MELK: variants seen among roughly 807,000 people sequenced by gnomAD.
MELK encodes the protein pEg3 kinase.
Under a neutral mutation model 85.0 loss-of-function variants are expected in MELK, and 81 were observed. The ratio of observed to expected loss-of-function variants is 0.95; its 90% CI spans 0.80 to 1.15. MELK has a LOEUF of 1.15. MELK is among the 50% of genes most tolerant of loss of function. The pLI is 0.00. For missense variants in MELK, 754 were observed against 777.5 expected, an observed-to-expected ratio of 0.97 and a Z score of 0.36; for synonymous variants, 252 against 265.0, an observed-to-expected ratio of 0.95 and a Z score of 0.48.
chr9:36,638,114 G>A (rs1304340317), intron 10 of MELK, among the ~76,000 whole-genome samples: 1 of 152,100 alleles, frequency 6.6e-6, no homozygotes, highest in Non-Finnish European at 1.5e-5. Flanking sequence ...CATCTTCTCA[G>A]CCATGATCCT....
chr9:36,662,053 G>A (rs998319776), intron 13 of MELK, among the ~76,000 whole-genome samples: 2 of 151,140 alleles, frequency 1.3e-5, no homozygotes, highest in Non-Finnish European at 2.9e-5. Flanking sequence ...TTTTATTATG[G>A]ATTTAGTTAT....
At chr9:36,606,955 T>G (rs1038429888) in intron 7 of MELK, 1 of 152,038 alleles carries the variant, frequency 6.6e-6, no homozygotes, top group Non-Finnish European at 1.5e-5. Context: ...CGGCTAATTT[T>G]TGTAGTTTTA....
chr9:36,669,341 TA>T lies in MELK; in HGVS notation c.1444del (p.Ile482TyrfsTer3), dbSNP rs770447132. On this transcript the variant is annotated frameshift_variant, in exon 15 of 18. Transcript: ENST00000298048. LOFTEE classifies it high-confidence loss of function. ...RNQCLKETPI[K>X]IPVNSTGTDK... ...ACCAGTGCCTGAAAGAAACTCCAAT[TA>T]AAATACCAGTAAATTCAACAGGAAC... The T allele has an allele frequency of 2.3e-5, 37 of 1,610,426 alleles. 1 individual carries two copies. In the South Asian group the frequency reaches 4.0e-4, roughly 17 times the overall value.
intron 11 of MELK, among the ~76,000 whole-genome samples, chr9:36,643,865 C>T (rs914791676): frequency 2.0e-5 from 3 of 147,322 alleles, no homozygotes; most frequent in South Asian, 2.2e-4. Flanking sequence ...ACCTGGGAGG[C>T]GGAGTTTGCA....
intron 13 of MELK, among the ~76,000 whole-genome samples, chr9:36,661,750 C>T (rs994902864): frequency 7.2e-5 from 11 of 152,170 alleles, no homozygotes; most frequent in African/African-American, 2.4e-4. Flanking sequence ...TCCTGGCTAA[C>T]ACAATGAAAC....
chr9:36,661,942 A>G (rs544192353), intron 13 of MELK, among the ~76,000 whole-genome samples: 2 of 151,148 alleles, frequency 1.3e-5, no homozygotes, highest in Non-Finnish European at 2.9e-5. Flanking sequence ...GTCTCAAAAA[A>G]AAAAAAAAAA....
At chr9:36,652,348 C>T (rs887182118) in intron 12 of MELK, among the ~76,000 whole-genome samples, 3 of 151,434 alleles carry the variant, frequency 2.0e-5, no homozygotes, top group Admixed American at 6.6e-5. Flanking sequence ...TGCCCGGCCT[C>T]TAAAATTCTG....
chr9:36,650,514 A>G (rs1830607476), intron 11 of MELK, among the ~76,000 whole-genome samples: 1 of 152,236 alleles, frequency 6.6e-6, no homozygotes, highest in Admixed American at 6.5e-5. Flanking sequence ...ACTAGAATCA[A>G]GAAGAGTATA....
At position 36,669,317 on chromosome 9, in the gene MELK, C is replaced by CT. The variant is rs746177920; in HGVS notation, c.1416_1417insT (p.Gln473SerfsTer9). ...TTGTTCTGTTTCTAATAGCTAGAAA[C>CT]CAGTGCCTGAAAGAAACTCCAATTA... On this transcript the variant is annotated frameshift_variant, in exon 15 of 18. Transcript: ENST00000298048. LOFTEE classifies it high-confidence loss of function. The CT allele has an allele frequency of 1.2e-6, 2 of 1,605,550 alleles. No individual in the cohort carries two copies. The highest frequency in any genetic ancestry group is 4.5e-5 in the East Asian group (2 of 44,568).
chr9:36,602,559 C>CTTT (rs112982020), intron 7 of MELK, among the ~76,000 whole-genome samples: 2 of 119,592 alleles, frequency 1.7e-5, no homozygotes, highest in Non-Finnish European at 3.4e-5. Context: ...GCTCTACAGA[C>CTTT]TTTTTTTTTT....
At chr9:36,580,506 G>A (rs1822117167) in intron 1 of MELK, among the ~76,000 whole-genome samples, 1 of 151,440 alleles carries the variant, frequency 6.6e-6, no homozygotes, top group African/African-American at 2.4e-5. Flanking sequence ...TTTTAGTAGA[G>A]ACGGGTTTCG....
chr9:36,584,291 CACCG>C (rs1822600198), intron 3 of MELK, among the ~76,000 whole-genome samples: 1 of 147,872 alleles, frequency 6.8e-6, no homozygotes, highest in East Asian at 2.0e-4. Flanking sequence ...AGTCGTGAGC[CACCG>C]CGCCCGGCCT....
chr9:36,593,305 G>A lies in MELK; in HGVS notation c.262-1323G>A, dbSNP rs541160394. 2.6e-5 allele frequency among the ~76,000 whole-genome samples: 4 copies of A among 151,964 alleles called. No homozygotes were observed. The South Asian group carries it at 8.3e-4, about 32-fold the overall frequency. ...TATGTTGAAACTTAATCCCCAGTGT[G>A]ATAGTATTAAGAGGTGGGGCCCTTT... On this transcript the variant is annotated intron_variant, in intron 4 of 17. Transcript: ENST00000298048.
chr9:36,578,618 G>A (rs1484770982), intron 1 of MELK, among the ~76,000 whole-genome samples: 1 of 152,062 alleles, frequency 6.6e-6, no homozygotes, highest in African/African-American at 2.4e-5. Flanking sequence ...GTCAAATAAA[G>A]GATCTTTATT....
At chr9:36,635,284 T>A (rs2265345) in intron 10 of MELK, among the ~76,000 whole-genome samples, 140,217 of 151,424 alleles carry the variant, frequency 0.93, 65,015 homozygotes, top group Middle Eastern at 0.96. Flanking sequence ...TTTTTTTGAG[T>A]GGGAATCTCG....
Position 36,581,723 on chromosome 9 carries a change from T to A in MELK, c.42T>A (p.His14Gln). The A allele has an allele frequency of 3.1e-6, 5 of 1,595,232 alleles. No homozygotes were observed. In the East Asian group the frequency reaches 1.1e-4, roughly 36 times the overall value. ...AACTTCTCAAATATTATGAATTACA[T>A]GAAACTATTGGGACAGGTAATTGTT... ...YDELLKYYEL[H>Q]ETIGTGGFAK... The change falls in exon 2 of 18, where the codon CAT becomes CAA. Residue 14 changes from histidine (H) to glutamine (Q), a missense_variant. His to Gln is a conservative substitution (Grantham distance 24). Transcript: ENST00000298048.
intron 2 of MELK, among the ~76,000 whole-genome samples, chr9:36,582,867 G>A (rs1404311898): frequency 6.6e-6 from 1 of 152,132 alleles, no homozygotes; most frequent in Non-Finnish European, 1.5e-5. Context: ...GAGACTACTA[G>A]GAAGTTCTTT....
chr9:36,625,792 A>C (rs934263383), intron 8 of MELK, among the ~76,000 whole-genome samples: 9 of 151,916 alleles, frequency 5.9e-5, no homozygotes, highest in African/African-American at 2.2e-4. Flanking sequence ...ATGGTGGTGC[A>C]TGTCTGTAAT....
chr9:36,618,627 C>T (rs188083813), intron 8 of MELK, among the ~76,000 whole-genome samples: 1 of 152,188 alleles, frequency 6.6e-6, no homozygotes, highest in East Asian at 1.9e-4. Context: ...AGCTCCATTA[C>T]TGTTTGCTTG....
Sources: gnomAD v4.1 joint callset for allele counts (sites outside exome capture counted in the v4.1 genomes callset) on GRCh38, gnomAD v4.1.1 for gene constraint, MANE v1.5 for transcripts, NCBI Gene and HGNC (gene_info 2026-07-23, HGNC 2026-07-21) for gene names.